The following TCF20 variants were observed in gnomAD, a reference collection of about 807,000 sequenced individuals.
TCF20 encodes SPRE-binding protein.
In TCF20, 3 loss-of-function variants were observed where a neutral mutation model predicts 148.6. The ratio of observed to expected loss-of-function variants is 0.02; its 90% CI spans 0.01 to 0.05. TCF20 has a LOEUF of 0.05. Among genes scored for constraint, TCF20 ranks in the 10% least tolerant of loss-of-function variants. TCF20 has a pLI of 1.00. For missense variants in TCF20, 2,350 were observed against 2,429.3 expected, an observed-to-expected ratio of 0.97 and a Z score of 0.69; for synonymous variants, 1,049 against 909.5, an observed-to-expected ratio of 1.15 and a Z score of -2.76.
At chr22:42,224,867 A>C (rs1939254694) in intron 1 of TCF20, among the ~76,000 whole-genome samples, 1 of 152,216 alleles carries the variant, frequency 6.6e-6, no homozygotes, top group African/African-American at 2.4e-5. Context: ...TGAGGCATTC[A>C]TTTAGTCCCA....
At chr22:42,258,129 AG>A (rs1925841241) in intron 1 of TCF20, among the ~76,000 whole-genome samples, 2 of 152,322 alleles carry the variant, frequency 1.3e-5, no homozygotes, top group South Asian at 4.1e-4. Context: ...CTAAAATCCC[AG>A]GAAGTAGAAA....
intron 1 of TCF20, among the ~76,000 whole-genome samples, chr22:42,298,482 G>A (rs1383092695): frequency 6.6e-6 from 1 of 152,232 alleles, no homozygotes; most frequent in Non-Finnish European, 1.5e-5. Context: ...TGACTCCAGG[G>A]CCGAAGCCTC....
At chr22:42,336,942 C>A (rs572898725) in intron 1 of TCF20, among the ~76,000 whole-genome samples, 1 of 152,238 alleles carries the variant, frequency 6.6e-6, no homozygotes, top group Admixed American at 6.5e-5. Flanking sequence ...CCCATAGCCA[C>A]GTATCTTCTT....
In TCF20 at chr22:42,215,196, A is replaced by T. The variant is rs770818359; in HGVS notation, c.110T>A (p.Met37Lys). The change falls in exon 2 of 6, where the codon ATG becomes AAG. Residue 37 changes from methionine (M) to lysine (K), a missense_variant. Physicochemically the swap from Met to Lys is moderately conservative, Grantham distance 95. Coordinates refer to ENST00000677622, the MANE Select transcript of TCF20 (RefSeq NM_001378418.1). ...LEEFSPRQAQ[M>K]FQNFGGTGGS... ...ACCTGTACCTCCAAAATTCTGGAACATCTGGGCCTGACGAGGGCTGAACTC... is the reference window on the plus strand; with the variant it reads ...ACCTGTACCTCCAAAATTCTGGAACTTCTGGGCCTGACGAGGGCTGAACTC... 3.1e-6 allele frequency: 5 copies of T among 1,614,050 alleles called. No individual in the cohort carries two copies. Among genetic ancestry groups the T allele is most frequent in the Non-Finnish European group, 4.2e-6 (5 of 1,180,026 alleles).
upstream of TCF20, among the ~76,000 whole-genome samples, chr22:42,271,169 T>C (rs1314375195): frequency 6.6e-6 from 1 of 152,162 alleles, no homozygotes; most frequent in Non-Finnish European, 1.5e-5. Context: ...GCCCAAGACC[T>C]AGCTGGTCCC....
intron 1 of TCF20, among the ~76,000 whole-genome samples, chr22:42,262,671 AT>A (rs1805069984): frequency 6.6e-6 from 1 of 151,938 alleles, no homozygotes; most frequent in East Asian, 1.9e-4. Flanking sequence ...GGTCTGGAGA[AT>A]GCCAATGGTC....
upstream of TCF20, chr22:42,275,150 C>T (rs1011576404): frequency 6.6e-6 from 1 of 152,240 alleles, no homozygotes; most frequent in African/African-American, 2.4e-5. Context: ...CCTAGACAGT[C>T]AGTAGGACCA....
intron 1 of TCF20, among the ~76,000 whole-genome samples, chr22:42,259,798 G>A (rs1925933101): frequency 6.6e-6 from 1 of 152,070 alleles, no homozygotes; most frequent in South Asian, 2.1e-4. Context: ...CAGTGAAGGA[G>A]GCATGCTTAA....
chr22:42,247,104 A>G (rs1243529436), intron 1 of TCF20, among the ~76,000 whole-genome samples: 1 of 152,132 alleles, frequency 6.6e-6, no homozygotes, highest in East Asian at 1.9e-4. Flanking sequence ...TCATGGAGAA[A>G]AGTAACATTT....
intron 1 of TCF20, among the ~76,000 whole-genome samples, chr22:42,276,150 CTT>C (rs1926774300): frequency 6.6e-6 from 1 of 152,210 alleles, no homozygotes; most frequent in South Asian, 2.1e-4. Context: ...TGGGAAAAGA[CTT>C]TGTTCCATCC....
chr22:42,175,372 C>G (rs1056369863), intron 3 of TCF20, among the ~76,000 whole-genome samples: 1 of 152,072 alleles, frequency 6.6e-6, no homozygotes, highest in Admixed American at 6.5e-5. Context: ...GACAGAGTCT[C>G]GCTCTGTTGC....
At chr22:42,194,361 G>T (rs991907932) in intron 2 of TCF20, among the ~76,000 whole-genome samples, 2 of 152,204 alleles carry the variant, frequency 1.3e-5, no homozygotes, top group Non-Finnish European at 2.9e-5. Flanking sequence ...AATGAAGAAC[G>T]GTTTCTGTGG....
intron 1 of TCF20, among the ~76,000 whole-genome samples, chr22:42,312,624 G>C (rs954467472): frequency 6.6e-6 from 1 of 152,132 alleles, no homozygotes; most frequent in African/African-American, 2.4e-5. Flanking sequence ...AGGGTGTGGA[G>C]TGGGCTGTGG....
At chr22:42,190,098 C>T (rs897474890) in intron 2 of TCF20, among the ~76,000 whole-genome samples, 10 of 151,978 alleles carry the variant, frequency 6.6e-5, no homozygotes, top group African/African-American at 2.4e-4. Flanking sequence ...GGGGATAATA[C>T]CCAGTTGGGA....
chr22:42,182,048 G>T (rs5758632), intron 2 of TCF20, among the ~76,000 whole-genome samples: 8,146 of 152,240 alleles, frequency 0.054, 481 homozygotes, highest in East Asian at 0.33. Context: ...GAGGACAGAA[G>T]AGTGGCAAGA....
intron 2 of TCF20, among the ~76,000 whole-genome samples, chr22:42,189,212 G>T (rs1469835715): frequency 6.6e-6 from 1 of 152,194 alleles, no homozygotes; most frequent in Non-Finnish European, 1.5e-5. Flanking sequence ...CATAGACTTC[G>T]AAGGTAAAAC....
intron 2 of TCF20, among the ~76,000 whole-genome samples, chr22:42,208,111 G>C (rs1268239273): frequency 1.3e-5 from 2 of 152,154 alleles, no homozygotes; most frequent in African/African-American, 4.8e-5. Flanking sequence ...CCAGTGGTTG[G>C]AGGCTGCAGT....
At chr22:42,243,310 A>AAAAAAAAAAAAAAAAAACAAAC (rs1569180401) in intron 1 of TCF20, among the ~76,000 whole-genome samples, 1 of 140,864 alleles carries the variant, frequency 7.1e-6, no homozygotes, top group African/African-American at 3.0e-5. Flanking sequence ...AAAAAAAAAA[A>AAAAAAAAAAAAAAAAAACAAAC]AAAAAAAAAA....
chr22:42,223,376 A>C (rs1412606655), intron 1 of TCF20, among the ~76,000 whole-genome samples: 1 of 152,208 alleles, frequency 6.6e-6, no homozygotes, highest in Non-Finnish European at 1.5e-5. Context: ...ACTGTACCAC[A>C]AAATTAGGCA....
Sources: allele counts gnomAD v4.1 joint callset (sites outside exome capture counted in the v4.1 genomes callset), GRCh38; gene constraint gnomAD v4.1.1; transcripts MANE v1.5; gene names NCBI Gene and HGNC (gene_info 2026-07-23, HGNC 2026-07-21).